Variants in DDX43 observed in about 807,000 individuals in gnomAD.
The protein encoded by DDX43 is probable ATP-dependent RNA helicase DDX43.
A neutral mutation model predicts 84.9 loss-of-function variants in DDX43; 50 were observed. That is an observed-to-expected ratio of 0.59 (90% CI 0.47 to 0.75). The LOEUF (loss-of-function observed/expected upper bound fraction) is 0.75, where lower values mean the gene tolerates loss of function less well. Ranked by LOEUF, DDX43 falls within the 30% of genes least tolerant of loss-of-function variation. DDX43 has a pLI of 0.00. For synonymous variants in DDX43, 291 were observed against 266.3 expected, an observed-to-expected ratio of 1.09 and a Z score of -0.90; for missense variants, 689 against 798.6, an observed-to-expected ratio of 0.86 and a Z score of 1.65.
intron 1 of DDX43, among the ~76,000 whole-genome samples, chr6:73,396,107 C>T (rs979169589): frequency 9.9e-5 from 15 of 151,844 alleles, no homozygotes; most frequent in Non-Finnish European, 1.6e-4. Context: ...AAATTACGTG[C>T]GCCACCACAC....
intron 1 of DDX43, 122 bp downstream of exon 1, chr6:73,395,277 TC>T: frequency 1.6e-6 from 2 of 1,233,976 alleles, no homozygotes; most frequent in Non-Finnish European, 2.2e-6. Context: ...TTCAGGTCTC[TC>T]CCAGAGCTAT....
intron 5 of DDX43, 44 bp from the exon 6 acceptor site, chr6:73,405,635 G>T: frequency 6.3e-7 from 1 of 1,595,308 alleles, no homozygotes; most frequent in Non-Finnish European, 8.6e-7. Context: ...TCTTGCTTGG[G>T]GAGTAAAGTG....
rs191599374 is a variant in DDX43 at position 73,400,284 on chromosome 6, A to G, written c.357A>G (p.Ala119=). The G allele has an allele frequency of 1.4e-4, 222 of 1,610,604 alleles. 2 individuals are homozygous for G. In the East Asian group the frequency reaches 4.1e-3, roughly 29 times the overall value. The part of the protein sequence containing the change: ...ESLVKIFGSK[A]MQTKAKAVID... ...TAGTCAAAATTTTTGGCAGCAAGGC[A>G]ATGCAAACGAAAGCAAAAGCAGTGA... Residue 119 remains alanine (A), a synonymous_variant, in exon 3 of 17, where the codon GCA becomes GCG. Transcript: ENST00000370336.
chr6:73,409,435 C>T, intron 10 of DDX43, 87 bp downstream of exon 10: 3 of 1,085,912 alleles, frequency 2.8e-6, no homozygotes, highest in Non-Finnish European at 4.2e-6. Flanking sequence ...AATATTTGAG[C>T]ATTACTTGGA....
chr6:73,398,601 A>C (rs529387305), intron 2 of DDX43, among the ~76,000 whole-genome samples: 2 of 152,240 alleles, frequency 1.3e-5, no homozygotes, highest in East Asian at 3.9e-4. Flanking sequence ...GATCACTGGA[A>C]TATTCGGAGG....
chr6:73,400,121 A>C, intron 2 of DDX43, 113 bp from the exon 3 acceptor site: 1 of 819,096 alleles, frequency 1.2e-6, no homozygotes, highest in Non-Finnish European at 1.9e-6. Context: ...TTTACTTTAT[A>C]CTGTAATAGA....
chr6:73,397,389 G>A (rs1769492469), intron 1 of DDX43, among the ~76,000 whole-genome samples: 1 of 152,088 alleles, frequency 6.6e-6, no homozygotes, highest in Non-Finnish European at 1.5e-5. Context: ...AAACTTATTT[G>A]TTGAGTTGTA....
Position 73,394,845 on chromosome 6 carries a change from T to C in DDX43, c.-61T>C. ...TCCCTGGCACGCTACTCTTACGACGTCACGGTCAGGTGGTGCAGAGCTGGA... is the reference window on the plus strand; with the variant it reads ...TCCCTGGCACGCTACTCTTACGACGCCACGGTCAGGTGGTGCAGAGCTGGA... On this transcript the variant is annotated 5_prime_UTR_variant, in exon 1 of 17. Transcript: ENST00000370336. 1.9e-6 allele frequency: 3 copies of C among 1,582,590 alleles called. No homozygotes were observed. The highest frequency in any genetic ancestry group is 2.6e-6 in the Non-Finnish European group (3 of 1,164,200).
intron 10 of DDX43, among the ~76,000 whole-genome samples, chr6:73,410,071 A>G (rs1769756199): frequency 6.6e-6 from 1 of 151,942 alleles, no homozygotes; most frequent in Admixed American, 6.6e-5. Context: ...GGGCTTATAT[A>G]CTTTGTCTTT....
At chr6:73,416,483 C>G (rs1769907215) in intron 16 of DDX43, among the ~76,000 whole-genome samples, 1 of 152,074 alleles carries the variant, frequency 6.6e-6, no homozygotes, top group Non-Finnish European at 1.5e-5. Context: ...GTATACAACC[C>G]AAGCATCCAT....
intron 2 of DDX43, among the ~76,000 whole-genome samples, chr6:73,398,510 C>A (rs1769513436): frequency 6.6e-6 from 1 of 152,180 alleles, no homozygotes. Flanking sequence ...CCTCTGCCTC[C>A]CAAAGTGCTG....
Position 73,412,668 on chromosome 6 carries a change from T to TGTGTGTGTGTGTGTGTGCGC in DDX43, c.1368+377_1368+378insTGTGTGTGTGTGTGTGCGCG, listed in dbSNP as rs538597626. On this transcript the variant is annotated intron_variant, in intron 11 of 16. Transcript: ENST00000370336. ...GTGTGTGTGTGTGTGTGTGTGTGTGTGCGCGCGCGCGTGTGTGTGTGTGCG... is the reference window on the plus strand; with the variant it reads ...GTGTGTGTGTGTGTGTGTGTGTGTGTGTGTGTGTGTGTGTGTGCGCGCGCGCGCGCGTGTGTGTGTGTGCG... Among the ~76,000 whole-genome samples, 292 of 108,362 alleles carry TGTGTGTGTGTGTGTGTGCGC rather than the reference T, an allele frequency of 2.7e-3. 2 individuals are homozygous for TGTGTGTGTGTGTGTGTGCGC. Among genetic ancestry groups the TGTGTGTGTGTGTGTGTGCGC allele is most frequent in the African/African-American group, 4.5e-3 (113 of 25,258 alleles). The allele number at this position is 108,362 out of a possible 152,430, so 71.1% of individuals were successfully genotyped here. A position where few individuals can be genotyped will look rare whatever the true frequency, so the allele number is the denominator to read the frequency against.
intron 10 of DDX43, among the ~76,000 whole-genome samples, 157 bp from the exon 11 acceptor site, chr6:73,412,048 T>G (rs947274157): frequency 3.3e-5 from 5 of 152,270 alleles, no homozygotes; most frequent in African/African-American, 1.2e-4. Context: ...TTTACAGTAG[T>G]TGAGTAATTA....
chr6:73,403,906 C>T (rs1033498051), intron 4 of DDX43, among the ~76,000 whole-genome samples: 6 of 151,650 alleles, frequency 4.0e-5, no homozygotes, highest in African/African-American at 1.2e-4. Context: ...CAACCTCTGC[C>T]TCCTGGGTTC....
intron 16 of DDX43, 22 bp downstream of exon 16, chr6:73,416,273 G>A (rs1395185390): frequency 1.0e-6 from 1 of 954,910 alleles, no homozygotes; most frequent in South Asian, 1.4e-5. Flanking sequence ...ATAACATATG[G>A]ACTTTAAAAT....
chr6:73,416,522 A>G (rs1193714383), intron 16 of DDX43, among the ~76,000 whole-genome samples: 1 of 152,246 alleles, frequency 6.6e-6, no homozygotes, highest in Non-Finnish European at 1.5e-5. Flanking sequence ...ACACAATGGA[A>G]TATCATTCAG....
intron 13 of DDX43, 39 bp downstream of exon 13, chr6:73,414,118 T>G (rs201058714): frequency 2.4e-6 from 3 of 1,271,514 alleles, no homozygotes; most frequent in South Asian, 1.2e-5. Context: ...AGTTTAAAAT[T>G]AGTGCAATAC....
rs369673764 is a variant in DDX43 at position 73,413,775 on chromosome 6, C to T, written c.1486C>T (p.Arg496Ter). 6.8e-6 allele frequency: 11 copies of T among 1,612,504 alleles called. No homozygotes were observed. Among genetic ancestry groups the T allele is most frequent in the African/African-American group, 1.3e-5 (1 of 74,810 alleles). Residue 496 changes from arginine to a stop codon, truncating the protein, a stop_gained, in exon 12 of 17, where the codon CGA becomes TGA. Coordinates refer to ENST00000370336, the MANE Select transcript of DDX43 (RefSeq NM_018665.3). LOFTEE classifies it high-confidence loss of function. ...STDKVIVFVS[R>*]KAVADHLSSD... ...AGACAAAGTCATTGTCTTCGTTTCTCGAAAAGCTGTGTAGGTATTTTTTCT... is the reference window on the plus strand; with the variant it reads ...AGACAAAGTCATTGTCTTCGTTTCTTGAAAAGCTGTGTAGGTATTTTTTCT...
At chr6:73,399,517 A>G (rs959861541) in intron 2 of DDX43, among the ~76,000 whole-genome samples, 2 of 152,152 alleles carry the variant, frequency 1.3e-5, no homozygotes, top group Non-Finnish European at 2.9e-5. Flanking sequence ...CCATTTCCAT[A>G]GCATCCCATA....
Sources: gnomAD v4.1 joint callset for allele counts (sites outside exome capture counted in the v4.1 genomes callset) on GRCh38, gnomAD v4.1.1 for gene constraint, MANE v1.5 for transcripts, NCBI Gene and HGNC (gene_info 2026-07-23, HGNC 2026-07-21) for gene names.